Variants in RASSF3 observed in about 807,000 individuals in gnomAD.
RASSF3 encodes ras association domain-containing protein 3.
RASSF3 carries 19 observed loss-of-function variants against 19.9 expected under a neutral mutation model. The observed-to-expected ratio is 0.96, with a 90% CI of 0.67 to 1.40. The LOEUF is 1.40. RASSF3 is among the 40% of genes most tolerant of loss of function. The pLI is 0.00. For synonymous variants in RASSF3, 110 were observed against 104.2 expected, an observed-to-expected ratio of 1.06 and a Z score of -0.34; for missense variants, 306 against 289.8, an observed-to-expected ratio of 1.06 and a Z score of -0.41.
At chr12:64,644,553 T>A (rs1480580587) in intron 1 of RASSF3, among the ~76,000 whole-genome samples, 1 of 151,778 alleles carries the variant, frequency 6.6e-6, no homozygotes, top group Non-Finnish European at 1.5e-5. Context: ...AAAAATTAGC[T>A]GGGCGTGGTT....
chr12:64,517,171 T>A (rs959119771), intron 1 of RASSF3, among the ~76,000 whole-genome samples: 2 of 151,572 alleles, frequency 1.3e-5, no homozygotes, highest in African/African-American at 4.9e-5. Context: ...ACTTAAAAAA[T>A]AAACCTAACA....
intron 1 of RASSF3, among the ~76,000 whole-genome samples, chr12:64,678,960 TTTAG>T (rs1219738104): frequency 4.6e-5 from 7 of 152,232 alleles, no homozygotes; most frequent in Admixed American, 3.9e-4. Flanking sequence ...GCTGTGTGAT[TTTAG>T]ACCTAAGTAT....
chr12:64,638,666 G>T (rs1365830335), intron 1 of RASSF3, among the ~76,000 whole-genome samples: 1 of 151,828 alleles, frequency 6.6e-6, no homozygotes, highest in Non-Finnish European at 1.5e-5. Context: ...AAGCCCTTGG[G>T]TCTCAATTGC....
chr12:64,607,536 AT>A (rs1199865571), upstream of RASSF3, among the ~76,000 whole-genome samples: 1 of 151,446 alleles, frequency 6.6e-6, no homozygotes, highest in African/African-American at 2.4e-5. Context: ...TGCCCAGCTA[AT>A]TTTTTTATAT....
intron 1 of RASSF3, among the ~76,000 whole-genome samples, chr12:64,518,984 G>A (rs972274612): frequency 6.6e-6 from 1 of 152,150 alleles, no homozygotes; most frequent in Non-Finnish European, 1.5e-5. Context: ...GGAAATACTG[G>A]CAGGTTCATT....
chr12:64,690,861 A>C (rs1868269828), intron 3 of RASSF3, among the ~76,000 whole-genome samples: 1 of 151,090 alleles, frequency 6.6e-6, no homozygotes, highest in Admixed American at 6.6e-5. Context: ...ATTTAAAAAA[A>C]ATTTTATTTA....
At chr12:64,629,369 A>G (rs933915145) in intron 1 of RASSF3, among the ~76,000 whole-genome samples, 3 of 151,874 alleles carry the variant, frequency 2.0e-5, no homozygotes, top group Admixed American at 1.3e-4. Flanking sequence ...TGACCTCCCA[A>G]AGTGCTGGGA....
chr12:64,578,616 A>G (rs551435046), intron 2 of RASSF3, among the ~76,000 whole-genome samples: 1 of 152,176 alleles, frequency 6.6e-6, no homozygotes, highest in African/African-American at 2.4e-5. Context: ...CAACATAGTG[A>G]GATCCCTGTC....
intron 2 of RASSF3, among the ~76,000 whole-genome samples, chr12:64,580,080 G>T (rs1869666136): frequency 6.6e-6 from 1 of 152,122 alleles, no homozygotes; most frequent in Non-Finnish European, 1.5e-5. Context: ...CTCCTGAAGT[G>T]CTGGGATTAT....
intron 1 of RASSF3, among the ~76,000 whole-genome samples, chr12:64,632,897 T>C (rs111967893): frequency 0.016 from 2,487 of 152,260 alleles, 65 homozygotes; most frequent in African/African-American, 0.057. Context: ...AAGAGTAAAC[T>C]TCACAGACCA....
chr12:64,670,727 G>A (rs1872675938), intron 1 of RASSF3, among the ~76,000 whole-genome samples: 2 of 152,170 alleles, frequency 1.3e-5, no homozygotes, highest in Admixed American at 6.5e-5. Context: ...TCCCTACTAA[G>A]TTGCCAGTTG....
At chr12:64,598,448 C>G (rs1870031482) in intron 2 of RASSF3, among the ~76,000 whole-genome samples, 2 of 152,146 alleles carry the variant, frequency 1.3e-5, no homozygotes, top group South Asian at 2.1e-4. Flanking sequence ...GATCTCAGTA[C>G]TTAAGGTAGT....
chr12:64,571,848 C>T, intron 2 of RASSF3, among the ~76,000 whole-genome samples: 1 of 152,172 alleles, frequency 6.6e-6, no homozygotes, highest in East Asian at 1.9e-4. Context: ...TGAGTTGCTG[C>T]ATACACAAAG....
intron 1 of RASSF3, among the ~76,000 whole-genome samples, chr12:64,642,058 A>G (rs538845176): frequency 4.1e-4 from 63 of 152,106 alleles, no homozygotes; most frequent in African/African-American, 1.4e-3. Flanking sequence ...TCTGATTTCT[A>G]TATATGGAGC....
intron 1 of RASSF3, among the ~76,000 whole-genome samples, chr12:64,670,690 G>A (rs1239243511): frequency 6.6e-6 from 1 of 151,950 alleles, no homozygotes; most frequent in Non-Finnish European, 1.5e-5. Context: ...TTTTTAAATT[G>A]TCAGTGGCCC....
intron 1 of RASSF3, among the ~76,000 whole-genome samples, chr12:64,621,914 G>A (rs1348797786): frequency 6.6e-6 from 1 of 152,180 alleles, no homozygotes; most frequent in Non-Finnish European, 1.5e-5. Context: ...GATTCAGAAG[G>A]TGGGGAGTTG....
intron 1 of RASSF3, among the ~76,000 whole-genome samples, chr12:64,611,091 C>G (rs910210817): frequency 2.0e-5 from 3 of 152,178 alleles, no homozygotes; most frequent in African/African-American, 7.2e-5. Flanking sequence ...CCTTCGCGTC[C>G]CCGCTGGGTC....
downstream of RASSF3, among the ~76,000 whole-genome samples, chr12:64,544,401 G>A (rs79692497): frequency 0.017 from 2,625 of 152,280 alleles, 23 homozygotes; most frequent in Non-Finnish European, 0.027. Flanking sequence ...CTGCTTTCAA[G>A]AACTGTAATA....
At chr12:64,611,994 G>A (rs1286625543) in intron 1 of RASSF3, among the ~76,000 whole-genome samples, 3 of 152,172 alleles carry the variant, frequency 2.0e-5, no homozygotes, top group Non-Finnish European at 4.4e-5. Flanking sequence ...CGGTGCCATA[G>A]TTGTCCGTCT....
Sources: gnomAD v4.1 joint callset for allele counts (sites outside exome capture counted in the v4.1 genomes callset) on GRCh38, gnomAD v4.1.1 for gene constraint, MANE v1.5 for transcripts, NCBI Gene and HGNC (gene_info 2026-07-23, HGNC 2026-07-21) for gene names.